Variants in SPACA6 observed in about 807,000 individuals in gnomAD.
SPACA6 encodes sperm acrosome membrane-associated protein 6.
For synonymous variants in SPACA6, 6 were observed against 1.5 expected (o/e 4.05, Z -2.21); for missense variants, 8 against 2.8 (o/e 2.88, Z -1.34).
Position 51,693,735 on chromosome 19 carries a change from A to C in SPACA6, c.209A>C (p.Glu70Ala). 4.9e-6 allele frequency: 2 copies of C among 406,950 alleles called. No individual in the cohort carries two copies. The highest frequency in any genetic ancestry group is 4.4e-6 in the Non-Finnish European group (1 of 229,472). 25.2% of individuals were successfully genotyped at this position (406,950 alleles called of 1,614,324 possible). A position where few individuals can be genotyped will look rare whatever the true frequency, so the allele number is the denominator to read the frequency against. The change falls in exon 1 of 9, where the codon GAA becomes GCA. Residue 70 changes from glutamate to alanine, a missense_variant. Glu to Ala is a moderately radical substitution (Grantham distance 107, BLOSUM62 -1). Coordinates refer to ENST00000637797, the MANE Select transcript of SPACA6 (RefSeq NM_001316972.2). ...TAAFQGLSDT[E>A]INYDERSHLH... ...GCCTTCCAGGGCCTCTCTGACACCG[A>C]AATCAGTGAGGAGACCATCCACACT...
chr19:51,712,331 G>A (rs2083545837), exon 3 of SPACA6: 1 of 152,152 alleles, frequency 6.6e-6, no homozygotes, highest in Non-Finnish European at 1.5e-5. Context: ...TACACTTTGA[G>A]TGAGTGAACT....
At chr19:51,692,048 T>C (rs866068312), upstream of SPACA6, among the ~76,000 whole-genome samples, 3 of 151,686 alleles carry the variant, frequency 2.0e-5, no homozygotes, top group Non-Finnish European at 2.9e-5. The surrounding 1 kb of genome is among the most constrained non-coding windows in gnomAD (Gnocchi z 5.6). Context: ...CGCTGGGAGA[T>C]TGTGGCTGTC....
At position 51,695,397 on chromosome 19, in the gene SPACA6, C is replaced by T. The variant is rs62106946; in HGVS notation, c.292+842C>T. Among the ~76,000 whole-genome samples, 1,113 of 152,314 alleles carry T rather than the reference C, an allele frequency of 7.3e-3. 5 individuals are homozygous for T. The highest frequency in any genetic ancestry group is 0.012 in the Non-Finnish European group (790 of 68,026). ...GAGTTGCAGGAGTTACAGAGCCCTG[C>T]GCTATAGAATAAACTGGCTTCCTCT... On this transcript the variant is annotated intron_variant, in intron 2 of 8. Coordinates refer to ENST00000637797, the MANE Select transcript of SPACA6 (RefSeq NM_001316972.2).
intron 2 of SPACA6, among the ~76,000 whole-genome samples, chr19:51,699,982 G>C (rs1023714024): frequency 2.6e-5 from 4 of 152,182 alleles, no homozygotes; most frequent in African/African-American, 9.7e-5. Context: ...GGCCAGGCAT[G>C]GTGGCCCACA....
chr19:51,694,236 A>G (rs77133866), intron 1 of SPACA6: 18,324 of 364,980 alleles, frequency 0.05, 767 homozygotes, highest in East Asian at 0.12. Context: ...ACCCAGAGAG[A>G]GGAGGACAGA....
At chr19:51,692,653 A>T, upstream of SPACA6, 1 of 532,084 alleles carries the variant, frequency 1.9e-6, no homozygotes, top group Non-Finnish European at 3.9e-6. The surrounding 1 kb of genome is among the most constrained non-coding windows in gnomAD (Gnocchi z 5.6). Context: ...CCTTCGCCGC[A>T]CACAAGCTCG....
intron 8 of SPACA6, 60 bp downstream of exon 8, chr19:51,704,540 G>T: frequency 2.5e-6 from 1 of 400,836 alleles, no homozygotes; most frequent in South Asian, 1.3e-4. Context: ...AGATCCCACC[G>T]AGAAGTCTGG....
upstream of SPACA6, among the ~76,000 whole-genome samples, chr19:51,692,100 AAG>A (rs987822281): frequency 8.6e-4 from 131 of 152,124 alleles, no homozygotes; most frequent in African/African-American, 3.1e-3. The surrounding 1 kb of genome is among the most constrained non-coding windows in gnomAD (Gnocchi z 5.6). Flanking sequence ...AGAGGAAAGA[AAG>A]CACCTAGGGA....
upstream of SPACA6, among the ~76,000 whole-genome samples, chr19:51,690,467 G>T (rs1600130033): frequency 6.6e-6 from 1 of 152,182 alleles, no homozygotes; most frequent in Non-Finnish European, 1.5e-5. Context: ...GAACCCAGGA[G>T]TCCCCACCTC....
intron 2 of SPACA6, among the ~76,000 whole-genome samples, chr19:51,710,866 G>T (rs1203135824): frequency 6.6e-6 from 1 of 152,168 alleles, no homozygotes; most frequent in Non-Finnish European, 1.5e-5. Context: ...GATCACTTGA[G>T]GTCACGAGTT....
intron 1 of SPACA6, chr19:51,694,006 G>A (rs1209775619): frequency 6.3e-6 from 2 of 317,348 alleles, no homozygotes; most frequent in Non-Finnish European, 1.1e-5. Flanking sequence ...CTCAGAGAGA[G>A]AGGAAGATGG....
chr19:51,698,199 A>T (rs932701258), intron 2 of SPACA6, among the ~76,000 whole-genome samples: 1 of 152,116 alleles, frequency 6.6e-6, no homozygotes, highest in Non-Finnish European at 1.5e-5. Flanking sequence ...TGTGATTGAT[A>T]CTCAGATCTG....
At chr19:51,702,207 G>A (rs1408854805) in intron 3 of SPACA6, among the ~76,000 whole-genome samples, 4 of 151,986 alleles carry the variant, frequency 2.6e-5, no homozygotes, top group South Asian at 2.1e-4. Flanking sequence ...GAAAGGTTTC[G>A]TCTCCAACTG....
downstream of SPACA6, among the ~76,000 whole-genome samples, chr19:51,707,409 G>A (rs1053952283): frequency 2.6e-5 from 4 of 151,984 alleles, no homozygotes; most frequent in African/African-American, 4.8e-5. Flanking sequence ...TTTTAGTAGA[G>A]ACGGGGTTTC....
At position 51,693,636 on chromosome 19, in the gene SPACA6, G is replaced by A. The variant is rs757140883; in HGVS notation, c.110G>A (p.Arg37His). 26 of 414,300 alleles carry A rather than the reference G, an allele frequency of 6.3e-5. No homozygotes were observed. Among genetic ancestry groups the A allele is most frequent in the African/African-American group, 4.9e-4 (24 of 49,474 alleles). 25.7% of individuals were successfully genotyped at this position (414,300 alleles called of 1,614,324 possible). Residue 37 changes from arginine to histidine, a missense_variant, in exon 1 of 9, where the codon CGC becomes CAC. Transcript: ENST00000637797. ...CTCTGCTTCACAACCTACTCTGAGC[G>A]CCTCCGCATCTGCCAGATGTTTGTT... The part of the protein sequence containing the change: ...CLLCFTTYSE[R>H]LRICQMFVGM...
At chr19:51,706,705 G>A (rs375857540), downstream of SPACA6, among the ~76,000 whole-genome samples, 3 of 152,122 alleles carry the variant, frequency 2.0e-5, no homozygotes, top group East Asian at 1.9e-4. Flanking sequence ...TGTTGCCCAG[G>A]CTGGAGTGCA....
At chr19:51,708,553 G>A (rs563030173), downstream of SPACA6, among the ~76,000 whole-genome samples, 7 of 152,250 alleles carry the variant, frequency 4.6e-5, no homozygotes, top group Admixed American at 1.3e-4. Context: ...GTGGCCAGGC[G>A]AGGTGACTCA....
downstream of SPACA6, among the ~76,000 whole-genome samples, chr19:51,706,448 G>T (rs2083516138): frequency 6.6e-6 from 1 of 151,952 alleles, no homozygotes; most frequent in South Asian, 2.1e-4. Flanking sequence ...AGCCCCAGTG[G>T]CCTCCTTATT....
upstream of SPACA6, chr19:51,692,864 G>A (rs1227480688): frequency 1.9e-6 from 1 of 534,342 alleles, no homozygotes; most frequent in Admixed American, 1.9e-5. The surrounding 1 kb of genome is among the most constrained non-coding windows in gnomAD (Gnocchi z 5.6). Context: ...CTTTCCCCAG[G>A]CTGCGCCCTG....
Sources: gnomAD v4.1 joint callset for allele counts (sites outside exome capture counted in the v4.1 genomes callset) on GRCh38, gnomAD v4.1.1 for gene constraint, Gnocchi (gnomAD v3.1) non-coding constraint, MANE v1.5 for transcripts, NCBI Gene and HGNC (gene_info 2026-07-23, HGNC 2026-07-21) for gene names.